NFE2L3: variants seen among roughly 807,000 people sequenced by gnomAD.
The protein encoded by NFE2L3 is NFE2 like bZIP transcription factor 3.
In NFE2L3, 18 loss-of-function variants were observed where a neutral mutation model predicts 23.5. The observed-to-expected ratio is 0.77, with a 90% CI of 0.53 to 1.13. The LOEUF (loss-of-function observed/expected upper bound fraction) is 1.13. NFE2L3 is among the 50% of genes most tolerant of loss of function. The pLI, the probability that NFE2L3 is intolerant of heterozygous loss-of-function variation, is 0.00. For synonymous variants in NFE2L3, 424 were observed against 354.5 expected (o/e 1.20, Z -2.20); for missense variants, 1,152 against 877.2 (o/e 1.31, Z -3.96).
chr7:26,164,859 T>G (rs1358379291), intron 1 of NFE2L3, among the ~76,000 whole-genome samples: 1 of 152,240 alleles, frequency 6.6e-6, no homozygotes, highest in East Asian at 1.9e-4. Context: ...AGGATACAAT[T>G]TCAGCTTTCT....
rs1277559328 is a variant in NFE2L3 at position 26,187,070 on chromosome 7, A to T, written c.*1287A>T. 1 of 152,204 alleles carries T rather than the reference A, an allele frequency of 6.6e-6. No homozygotes were observed. The highest frequency in any genetic ancestry group is 1.5e-5 in the Non-Finnish European group (1 of 68,036). 9.4% of individuals were successfully genotyped at this position (152,204 alleles called of 1,614,324 possible). Reference sequence around the variant, plus strand: ...TCACATAAGTATCTTGGGCTAGAGAAATGCAGTTTATATATACCGTTGGAT... The same window carrying T: ...TCACATAAGTATCTTGGGCTAGAGATATGCAGTTTATATATACCGTTGGAT... On this transcript the variant is annotated 3_prime_UTR_variant, in exon 4 of 4. Coordinates refer to ENST00000056233, the MANE Select transcript of NFE2L3 (RefSeq NM_004289.7).
intron 2 of NFE2L3, among the ~76,000 whole-genome samples, chr7:26,180,461 A>G (rs1164180608): frequency 6.6e-6 from 1 of 152,216 alleles, no homozygotes; most frequent in African/African-American, 2.4e-5. Flanking sequence ...CCCACAGCAT[A>G]CATACTGTAT....
chr7:26,180,772 GGAGCTTCCTTGGA>G (rs1353001670), intron 2 of NFE2L3, among the ~76,000 whole-genome samples: 1 of 151,952 alleles, frequency 6.6e-6, no homozygotes, highest in Admixed American at 6.6e-5. Context: ...AATGAAGTAG[GGAGCTTCCTTGGA>G]GAGAATTTAA....
At chr7:26,179,507 A>G (rs1451791046) in intron 2 of NFE2L3, among the ~76,000 whole-genome samples, 2 of 151,702 alleles carry the variant, frequency 1.3e-5, no homozygotes, top group African/African-American at 4.8e-5. Context: ...CTCAAAAAAA[A>G]AAAAAAAAAG....
At chr7:26,168,936 G>C (rs1784295744) in intron 1 of NFE2L3, among the ~76,000 whole-genome samples, 1 of 152,124 alleles carries the variant, frequency 6.6e-6, no homozygotes, top group South Asian at 2.1e-4. Flanking sequence ...GGTCAAAGAG[G>C]TTTAGCAACT....
intron 1 of NFE2L3, among the ~76,000 whole-genome samples, chr7:26,165,894 T>A (rs968115838): frequency 5.3e-5 from 8 of 152,188 alleles, no homozygotes; most frequent in African/African-American, 1.9e-4. Context: ...CCAGGATTCT[T>A]TAATAATCAT....
At chr7:26,172,045 ATTAT>A (rs1458770030) in intron 1 of NFE2L3, among the ~76,000 whole-genome samples, 1 of 152,248 alleles carries the variant, frequency 6.6e-6, no homozygotes, top group Non-Finnish European at 1.5e-5. Context: ...TATCACCATT[ATTAT>A]TTAGCATTAT....
At chr7:26,160,051 A>C (rs1198638176) in intron 1 of NFE2L3, among the ~76,000 whole-genome samples, 2 of 147,734 alleles carry the variant, frequency 1.4e-5, no homozygotes, top group Admixed American at 7.0e-5. Flanking sequence ...CCTTCTGGGC[A>C]CAAGCCATCC....
chr7:26,168,021 A>G (rs2128098540), intron 1 of NFE2L3, among the ~76,000 whole-genome samples: 1 of 151,824 alleles, frequency 6.6e-6, no homozygotes, highest in East Asian at 1.9e-4. Context: ...ATTTTGGTGC[A>G]CTCATCACCC....
At chr7:26,182,252 A>G (rs908995148) in intron 2 of NFE2L3, among the ~76,000 whole-genome samples, 7 of 152,068 alleles carry the variant, frequency 4.6e-5, no homozygotes, top group African/African-American at 1.7e-4. Flanking sequence ...AATAAATGCC[A>G]TAAGACAGAG....
At position 26,186,088 on chromosome 7, in the gene NFE2L3, T is replaced by G. The variant is rs1349200842; in HGVS notation, c.*305T>G. 4.4e-6 allele frequency: 1 copy of G among 227,440 alleles called. No individual in the cohort carries two copies. The highest frequency in any genetic ancestry group is 2.3e-5 in the African/African-American group (1 of 44,106). The allele number at this position is 227,440 out of a possible 1,614,324, so 14.1% of individuals were successfully genotyped here. ...ACTTTCCATCTTGGCAGCCATCCTT[T>G]TTAAGAGTAAGTTGGTTACTTCAAA... On this transcript the variant is annotated 3_prime_UTR_variant, in exon 4 of 4. Transcript: ENST00000056233.
intron 2 of NFE2L3, among the ~76,000 whole-genome samples, chr7:26,182,381 T>C (rs1784533173): frequency 6.7e-6 from 1 of 150,176 alleles, no homozygotes; most frequent in South Asian, 2.1e-4. Context: ...CCCAACTCTT[T>C]GTGAGGCCAA....
chr7:26,177,017 GC>G lies in NFE2L3; in HGVS notation c.571-925del. Among the ~76,000 whole-genome samples, 49 of 32,406 alleles carry G rather than the reference GC, an allele frequency of 1.5e-3. 8 individuals are homozygous for G. The highest frequency in any genetic ancestry group is 6.4e-3 in the African/African-American group (15 of 2,360). 21.3% of individuals were successfully genotyped at this position (32,406 alleles called of 152,430 possible). On this transcript the variant is annotated intron_variant, in intron 1 of 3. Transcript: ENST00000056233. ...TCCCAGACGGGGTGGCCGGGCAGAG[GC>G]GCTCCTCACATCCCAGACGATGGGC...
chr7:26,184,960 TTTC>T lies in NFE2L3; in HGVS notation c.1265_1267del (p.Ser422del), dbSNP rs762036860. The T allele has an allele frequency of 5.0e-6, 8 of 1,613,898 alleles. No homozygotes were observed. Among genetic ancestry groups the T allele is most frequent in the Non-Finnish European group, 6.8e-6 (8 of 1,179,830 alleles). On this transcript the variant is annotated inframe_deletion, in exon 4 of 4. Transcript: ENST00000056233. ...GATGAACCAGATTCTGATTCTGGCCTTTCTTTAGATTCAAGTCACAATAATACC... is the reference window on the plus strand; with the variant it reads ...GATGAACCAGATTCTGATTCTGGCCTTTTAGATTCAAGTCACAATAATACC...
At position 26,178,135 on chromosome 7, in the gene NFE2L3, G is replaced by C; in HGVS notation, c.750+13G>C. 6.2e-7 allele frequency: 1 copy of C among 1,605,302 alleles called. No homozygotes were observed. Among genetic ancestry groups the C allele is most frequent in the East Asian group, 2.2e-5 (1 of 44,748 alleles). On this transcript the variant is annotated intron_variant, in intron 2 of 3. Transcript: ENST00000056233. ...ATCTAGAAATGAGGTAAGCCTGTCA[G>C]AATATTCAAGCCTTGCCGTTTTGGT...
chr7:26,157,339 G>A (rs928569406), intron 1 of NFE2L3, among the ~76,000 whole-genome samples: 3 of 151,366 alleles, frequency 2.0e-5, no homozygotes, highest in African/African-American at 4.9e-5. Flanking sequence ...CACTGCTTCT[G>A]GCTGATTTTT....
At chr7:26,176,326 G>A (rs1415569997) in intron 1 of NFE2L3, among the ~76,000 whole-genome samples, 1 of 151,868 alleles carries the variant, frequency 6.6e-6, no homozygotes, top group Non-Finnish European at 1.5e-5. Flanking sequence ...TTTTCTTTTT[G>A]ACAAAACCGC....
rs947848598 is a variant in NFE2L3 at position 26,185,215 on chromosome 7, C to CA, written c.1518dup (p.Pro507ThrfsTer6). ...CACACTTACCACTTACAGCCAACTG[C>CA]ACCAGAATCTACTTCTGAACCTTTT... On this transcript the variant is annotated frameshift_variant, in exon 4 of 4. Transcript: ENST00000056233. LOFTEE classifies it low-confidence loss of function (END_TRUNC). The CA allele has an allele frequency of 6.2e-7, 1 of 1,613,812 alleles. No individual in the cohort carries two copies. Among genetic ancestry groups the CA allele is most frequent in the African/African-American group, 1.3e-5 (1 of 74,920 alleles).
In NFE2L3 at chr7:26,152,762, G is replaced by T. The variant is rs1161309177; in HGVS notation, c.264G>T (p.Glu88Asp). The change falls in exon 1 of 4, where the codon GAG becomes GAT. Residue 88 changes from glutamate (E) to aspartate (D), a missense_variant. Coordinates refer to ENST00000056233, the MANE Select transcript of NFE2L3 (RefSeq NM_004289.7). This position sits in a 1 kb window ranked among gnomAD's most constrained non-coding sequence, Gnocchi z 4.4. The part of the protein sequence containing the change: ...GRELDPAAPP[E>D]GQLLREVRAL... ...AGCTGGACCCTGCCGCGCCGCCCGA[G>T]GGCCAGCTGCTCCGGGAGGTGCGCG... 3 of 1,477,584 alleles carry T rather than the reference G, an allele frequency of 2.0e-6. No individual in the cohort carries two copies. The highest frequency in any genetic ancestry group is 2.3e-5 in the Admixed American group (1 of 42,932). The allele number at this position is 1,477,584 out of a possible 1,614,324, so 91.5% of individuals were successfully genotyped here.
Sources: allele counts gnomAD v4.1 joint callset (sites outside exome capture counted in the v4.1 genomes callset), GRCh38; gene constraint gnomAD v4.1.1; non-coding constraint Gnocchi (gnomAD v3.1); transcripts MANE v1.5; gene names NCBI Gene and HGNC (gene_info 2026-07-23, HGNC 2026-07-21).